Variants in GPR137 observed in about 807,000 individuals in gnomAD.
GPR137 encodes the protein G protein-coupled receptor 137, also known as integral membrane protein GPR137.
Under a neutral mutation model 38.9 loss-of-function variants are expected in GPR137, and 20 were observed. The ratio of observed to expected loss-of-function variants is 0.51; its 90% CI spans 0.36 to 0.75. The LOEUF (loss-of-function observed/expected upper bound fraction) is 0.75, where lower values mean the gene tolerates loss of function less well. Among genes scored for constraint, GPR137 ranks in the 30% least tolerant of loss-of-function variants. The pLI is 0.00. For missense variants in GPR137, 456 were observed against 526.4 expected (o/e 0.87, Z 1.31); for synonymous variants, 226 against 235.8 (o/e 0.96, Z 0.38).
intron 2 of GPR137, among the ~76,000 whole-genome samples, chr11:64,278,858 G>C (rs1215992281): frequency 6.6e-6 from 1 of 152,234 alleles, no homozygotes; most frequent in Non-Finnish European, 1.5e-5. Flanking sequence ...CAGGTAGAGA[G>C]GGCAGAGGCC....
At position 64,288,870 on chromosome 11, in the gene GPR137, G is replaced by A; in HGVS notation, c.1031+149G>A. 1 of 1,441,574 alleles carries A rather than the reference G, an allele frequency of 6.9e-7. No individual in the cohort carries two copies. Among genetic ancestry groups the A allele is most frequent in the Non-Finnish European group, 9.1e-7 (1 of 1,103,210 alleles). The allele number at this position is 1,441,574 out of a possible 1,614,324, so 89.3% of individuals were successfully genotyped here. On this transcript the variant is annotated intron_variant, in intron 6 of 6. Transcript: ENST00000438980. This position sits in a 1 kb window ranked among gnomAD's most constrained non-coding sequence, Gnocchi z 5.5. ...CCATCTGTACTAGGTGAGGTCCCCT[G>A]GGTTCCTATTGCTAAAGCCTCCACC...
chr11:64,280,259 G>A (rs1344905112), upstream of GPR137, among the ~76,000 whole-genome samples: 3 of 149,890 alleles, frequency 2.0e-5, no homozygotes, highest in African/African-American at 7.4e-5. Context: ...GGCAGAGCTT[G>A]CAGTGAGCTG....
chr11:64,272,761 CA>C (rs1169896617), upstream of GPR137: 3 of 152,238 alleles, frequency 2.0e-5, no homozygotes, highest in Non-Finnish European at 4.4e-5. Context: ...TGGAAGGTTC[CA>C]AAGGTTTGGT....
upstream of GPR137, chr11:64,285,463 G>T: frequency 1.0e-6 from 1 of 983,700 alleles, no homozygotes; most frequent in Non-Finnish European, 1.2e-6. Flanking sequence ...GCCCGGGGGC[G>T]GGGCCCGGGG....
chr11:64,285,031 G>A (rs2033797132), upstream of GPR137: 15 of 1,187,588 alleles, frequency 1.3e-5, no homozygotes, highest in Non-Finnish European at 1.6e-5. Context: ...TCCCCCGGGA[G>A]CCAGTGAAAA....
chr11:64,281,666 G>A (rs2033479895), upstream of GPR137, among the ~76,000 whole-genome samples: 1 of 152,188 alleles, frequency 6.6e-6, no homozygotes. Flanking sequence ...TTCTCACCAA[G>A]GTGAGTGCTG....
upstream of GPR137, chr11:64,284,170 T>G: frequency 6.4e-7 from 1 of 1,567,710 alleles, no homozygotes; most frequent in South Asian, 1.2e-5. Flanking sequence ...GTGGAGGTGG[T>G]GGGGTACTTA....
chr11:64,274,840 C>T (rs1211373786), upstream of GPR137, among the ~76,000 whole-genome samples: 1 of 151,078 alleles, frequency 6.6e-6, no homozygotes, highest in African/African-American at 2.4e-5. Flanking sequence ...AAGAAACTAG[C>T]CAGGCATGGT....
At chr11:64,285,348 T>A, upstream of GPR137, 1 of 984,448 alleles carries the variant, frequency 1.0e-6, no homozygotes, top group Non-Finnish European at 1.2e-6. Context: ...GTAGGGCCCG[T>A]GGGGGCTTCA....
rs1014891880 is a variant in GPR137 at position 64,285,851 on chromosome 11, G to A, written c.-674G>A. 15 of 984,688 alleles carry A rather than the reference G, an allele frequency of 1.5e-5. No homozygotes were observed. Among genetic ancestry groups the A allele is most frequent in the Non-Finnish European group, 1.6e-5 (13 of 829,270 alleles). 61.0% of individuals were successfully genotyped at this position (984,688 alleles called of 1,614,324 possible). ...AGGCGCGGAGGGGGAGGGGGGCGGA[G>A]CAGCGGGAGCCGGGGAGCCGGAGCC... On this transcript the variant is annotated 5_prime_UTR_variant, in exon 1 of 7. Transcript: ENST00000438980.
chr11:64,271,679 G>A, upstream of GPR137: 7 of 1,489,658 alleles, frequency 4.7e-6, no homozygotes, highest in Non-Finnish European at 6.2e-6. Flanking sequence ...GTGCTGCCCA[G>A]AGGTTGGGGG....
chr11:64,286,103 C>A lies in GPR137; in HGVS notation c.-422C>A, dbSNP rs1451853010. On this transcript the variant is annotated 5_prime_UTR_variant, in exon 1 of 7. Coordinates refer to ENST00000438980, the MANE Select transcript of GPR137 (RefSeq NM_001170880.2). ...AGGGGGAGAGCGGGGCATTGGGCGC[C>A]CCTCGCAGCGGCCGCTGCCCTGACC... The A allele has an allele frequency of 1.0e-6, 1 of 999,800 alleles. No individual in the cohort carries two copies. The highest frequency in any genetic ancestry group is 1.0e-4 in the East Asian group (1 of 9,628). 61.9% of individuals were successfully genotyped at this position (999,800 alleles called of 1,614,324 possible). A position where few individuals can be genotyped will look rare whatever the true frequency, so the allele number is the denominator to read the frequency against.
chr11:64,275,329 A>G (rs149755145), upstream of GPR137, among the ~76,000 whole-genome samples: 356 of 152,322 alleles, frequency 2.3e-3, 1 homozygote, highest in Non-Finnish European at 4.4e-3. Flanking sequence ...CTGTCTGCAG[A>G]GTAATTTCCA....
At chr11:64,280,332 AAAT>A (rs144682603), upstream of GPR137, among the ~76,000 whole-genome samples, 36 of 123,512 alleles carry the variant, frequency 2.9e-4, no homozygotes, top group East Asian at 4.8e-4. Context: ...AAATAAAATA[AAAT>A]AATAATAATA....
At position 64,288,943 on chromosome 11, in the gene GPR137, C is replaced by G; in HGVS notation, c.1032-94C>G. ...TCCTGGGCCCCGAAGGTCTAGGTCA[C>G]AGGGGTTCTGTTCTAAGCCTGTCTT... is the stretch of plus-strand genomic sequence containing the variant. On this transcript the variant is annotated intron_variant, in intron 6 of 6. Transcript: ENST00000438980. This position sits in a 1 kb window ranked among gnomAD's most constrained non-coding sequence, Gnocchi z 5.5. 1 of 1,449,230 alleles carries G rather than the reference C, an allele frequency of 6.9e-7. No individual in the cohort carries two copies. The highest frequency in any genetic ancestry group is 9.0e-7 in the Non-Finnish European group (1 of 1,105,500). The allele number at this position is 1,449,230 out of a possible 1,614,324, so 89.8% of individuals were successfully genotyped here.
At chr11:64,271,752 G>A (rs2032635626), upstream of GPR137, 2 of 1,444,152 alleles carry the variant, frequency 1.4e-6, no homozygotes, top group Middle Eastern at 1.9e-4. Flanking sequence ...GTCGTCCTCC[G>A]TCCCCGCGGG....
At chr11:64,285,842 G>T, upstream of GPR137, 3 of 985,116 alleles carry the variant, frequency 3.0e-6, no homozygotes, top group Non-Finnish European at 3.6e-6. Context: ...GGAGGGGGAG[G>T]GGGGCGGAGC....
intron 1 of GPR137, chr11:64,276,224 C>A (rs1199173534): frequency 6.6e-6 from 1 of 150,954 alleles, no homozygotes; most frequent in Non-Finnish European, 1.5e-5. Flanking sequence ...AAGATGATAC[C>A]CATTTGTGTA....
In GPR137 at chr11:64,286,291, G is replaced by C. The variant is rs2034034660; in HGVS notation, c.-234G>C. 7.2e-7 allele frequency: 1 copy of C among 1,393,654 alleles called. No homozygotes were observed. Among genetic ancestry groups the C allele is most frequent in the African/African-American group, 1.5e-5 (1 of 68,948 alleles). 86.3% of individuals were successfully genotyped at this position (1,393,654 alleles called of 1,614,324 possible). A position where few individuals can be genotyped will look rare whatever the true frequency, so the allele number is the denominator to read the frequency against. On this transcript the variant is annotated 5_prime_UTR_variant, in exon 1 of 7. Transcript: ENST00000438980. ...TATCCGGTCTGTCCTGGAGAAAAGA[G>C]ACTGCCCTTCCATGCCCCTGAGTGA... is the stretch of plus-strand genomic sequence containing the variant.
Sources: allele counts gnomAD v4.1 joint callset (sites outside exome capture counted in the v4.1 genomes callset), GRCh38; gene constraint gnomAD v4.1.1; non-coding constraint Gnocchi (gnomAD v3.1); transcripts MANE v1.5; gene names NCBI Gene and HGNC (gene_info 2026-07-23, HGNC 2026-07-21).